GRIN3A: variants seen among roughly 807,000 people sequenced by gnomAD.
The protein encoded by GRIN3A is glutamate ionotropic receptor NMDA type subunit 3A, also known as glutamate receptor ionotropic, NMDA 3A.
GRIN3A carries 47 observed loss-of-function variants against 92.4 expected under a neutral mutation model. That is an observed-to-expected ratio of 0.51 (90% CI 0.40 to 0.65). The LOEUF (loss-of-function observed/expected upper bound fraction) is 0.65, where lower values mean the gene tolerates loss of function less well. Among genes scored for constraint, GRIN3A ranks in the 30% least tolerant of loss-of-function variants. The probability of loss-of-function intolerance (pLI) is 0.00; values close to 1 mark genes in which losing one functional copy is unlikely to be tolerated. For missense variants in GRIN3A, 1,324 were observed against 1,393.1 expected, an observed-to-expected ratio of 0.95 and a Z score of 0.79; for synonymous variants, 527 against 540.6, an observed-to-expected ratio of 0.97 and a Z score of 0.35.
chr9:101,690,782 T>C (rs1166243944), intron 1 of GRIN3A, among the ~76,000 whole-genome samples: 2 of 152,150 alleles, frequency 1.3e-5, no homozygotes, highest in Non-Finnish European at 2.9e-5. Flanking sequence ...TACTAATAGG[T>C]ACTAATGGAG....
chr9:101,603,138 T>G (rs147954467), intron 6 of GRIN3A: 96 of 152,282 alleles, frequency 6.3e-4, no homozygotes, highest in African/African-American at 2.2e-3. Context: ...AATAAAAAAT[T>G]ATTTGGTTCT....
intron 3 of GRIN3A, among the ~76,000 whole-genome samples, chr9:101,658,125 G>C (rs768551133): frequency 6.6e-6 from 1 of 151,910 alleles, no homozygotes; most frequent in Non-Finnish European, 1.5e-5. Flanking sequence ...ATATTGTTGG[G>C]TATGAATCCT....
At position 101,598,963 on chromosome 9, in the gene GRIN3A, G is replaced by T. The variant is rs566121681; in HGVS notation, c.2766+14413C>A. 2.0e-5 allele frequency among the ~76,000 whole-genome samples: 3 copies of T among 152,294 alleles called. No individual in the cohort carries two copies. The East Asian group carries it at 5.8e-4, about 29-fold the overall frequency. ...TAATTCCTTGATAGTCATTTAGAAA[G>T]GAGCTCCCAGTGTGAAAACTCTTAG... On this transcript the variant is annotated intron_variant, in intron 6 of 8. Transcript: ENST00000361820.
At chr9:101,718,111 A>T (rs1220449978) in intron 1 of GRIN3A, among the ~76,000 whole-genome samples, 2 of 152,202 alleles carry the variant, frequency 1.3e-5, no homozygotes, top group Admixed American at 1.3e-4. Context: ...CACTAGAATG[A>T]ATGAAAGTGG....
intron 1 of GRIN3A, among the ~76,000 whole-genome samples, chr9:101,724,464 A>G (rs1357540809): frequency 1.3e-5 from 2 of 151,780 alleles, no homozygotes; most frequent in African/African-American, 4.8e-5. Context: ...CTGCGCGCGC[A>G]GCCCTGGTTC....
intron 8 of GRIN3A, among the ~76,000 whole-genome samples, chr9:101,577,340 A>C (rs1181217790): frequency 6.6e-6 from 1 of 152,230 alleles, no homozygotes; most frequent in African/African-American, 2.4e-5. Context: ...TTTTGTACAT[A>C]ATAATAGCTA....
At chr9:101,618,006 C>T (rs867322668) in intron 5 of GRIN3A, among the ~76,000 whole-genome samples, 42 of 152,000 alleles carry the variant, frequency 2.8e-4, no homozygotes, top group African/African-American at 9.2e-4. Context: ...CATAGTATTC[C>T]ATGGTGTATA....
At chr9:101,599,946 C>T (rs748354304) in intron 6 of GRIN3A, among the ~76,000 whole-genome samples, 9 of 152,138 alleles carry the variant, frequency 5.9e-5, no homozygotes, top group Non-Finnish European at 1.3e-4. Flanking sequence ...ACTACTAGCT[C>T]GAGTTTAAAC....
At position 101,569,625 on chromosome 9, in the gene GRIN3A, A is replaced by G. The variant is rs1407256343; in HGVS notation, c.*3549T>C. On this transcript the variant is annotated 3_prime_UTR_variant, in exon 9 of 9. Coordinates refer to ENST00000361820, the MANE Select transcript of GRIN3A (RefSeq NM_133445.3). ...TCATAAAATGATTAGTAACTAAAAA[A>G]AAAGAGTGAGGGAATCCTGGATTAG... 1 of 152,220 alleles carries G rather than the reference A, an allele frequency of 6.6e-6. No homozygotes were observed. Among genetic ancestry groups the G allele is most frequent in the Admixed American group, 6.5e-5 (1 of 15,284 alleles). 9.4% of individuals were successfully genotyped at this position (152,220 alleles called of 1,614,324 possible). A position where few individuals can be genotyped will look rare whatever the true frequency, so the allele number is the denominator to read the frequency against.
At chr9:101,634,160 T>C (rs1272096879) in intron 3 of GRIN3A, among the ~76,000 whole-genome samples, 3 of 151,708 alleles carry the variant, frequency 2.0e-5, no homozygotes, top group African/African-American at 7.3e-5. Flanking sequence ...GGTGAAACCC[T>C]GTCTCTACTA....
Position 101,577,798 on chromosome 9 carries a change from T to G in GRIN3A, c.2978A>C (p.Gln993Pro). Residue 993 changes from glutamine (Q) to proline (P), a missense_variant, in exon 8 of 9, where the codon CAG (glutamine) becomes CCG (proline). Physicochemically the swap from Gln to Pro is moderately conservative, Grantham distance 76 (BLOSUM62 -1). Transcript: ENST00000361820. The part of the protein sequence containing the change: ...INTSFIEEKQ[Q>P]HFKTKRVEKR... ...TTCCACACGTTTGGTCTTGAAATGC[T>G]GCTGCTTTTCCTCTATAAATGATGT... The G allele has an allele frequency of 6.2e-7, 1 of 1,613,128 alleles. No homozygotes were observed. The highest frequency in any genetic ancestry group is 8.5e-7 in the Non-Finnish European group (1 of 1,179,520).
intron 2 of GRIN3A, among the ~76,000 whole-genome samples, chr9:101,684,570 G>A (rs1572562): frequency 0.79 from 120,230 of 152,042 alleles, 48,008 homozygotes; most frequent in African/African-American, 0.87. Context: ...GTACCACTAT[G>A]TAATTTTATA....
chr9:101,601,519 T>C (rs1828210622), intron 6 of GRIN3A, among the ~76,000 whole-genome samples: 1 of 152,202 alleles, frequency 6.6e-6, no homozygotes, highest in Non-Finnish European at 1.5e-5. Flanking sequence ...TTGCAAGAGC[T>C]GTTGTAATGA....
intron 5 of GRIN3A, among the ~76,000 whole-genome samples, chr9:101,618,619 A>C (rs896537018): frequency 5.9e-5 from 9 of 152,210 alleles, no homozygotes; most frequent in African/African-American, 2.2e-4. Flanking sequence ...TAGCAATAAT[A>C]ATCATTTTTA....
At chr9:101,587,799 G>A (rs1278244834) in intron 6 of GRIN3A, among the ~76,000 whole-genome samples, 4 of 152,178 alleles carry the variant, frequency 2.6e-5, no homozygotes, top group Non-Finnish European at 4.4e-5. Context: ...ATTTTAATGA[G>A]AGGTAAGGAA....
At chr9:101,660,754 C>G (rs1829162295) in intron 3 of GRIN3A, among the ~76,000 whole-genome samples, 1 of 151,622 alleles carries the variant, frequency 6.6e-6, no homozygotes. Context: ...TAGCATACCA[C>G]ATTGCCCCCA....
At chr9:101,669,782 A>G (rs1356235472) in intron 3 of GRIN3A, among the ~76,000 whole-genome samples, 1 of 152,092 alleles carries the variant, frequency 6.6e-6, no homozygotes, top group Non-Finnish European at 1.5e-5. Flanking sequence ...AGATGGTCAA[A>G]TAATACAAGG....
At chr9:101,721,338 A>G (rs1830010439) in intron 1 of GRIN3A, among the ~76,000 whole-genome samples, 1 of 152,224 alleles carries the variant, frequency 6.6e-6, no homozygotes, top group Admixed American at 6.5e-5. Context: ...AGGCTTCCCC[A>G]GACATGTGGA....
chr9:101,629,521 C>T (rs1828684639), intron 3 of GRIN3A, among the ~76,000 whole-genome samples: 1 of 152,174 alleles, frequency 6.6e-6, no homozygotes, highest in Non-Finnish European at 1.5e-5. Flanking sequence ...TATAGGAACT[C>T]TTAAAACCTG....
Sources: allele counts gnomAD v4.1 joint callset (sites outside exome capture counted in the v4.1 genomes callset), GRCh38; gene constraint gnomAD v4.1.1; transcripts MANE v1.5; gene names NCBI Gene and HGNC (gene_info 2026-07-23, HGNC 2026-07-21).